Variants in TNS4 observed in about 807,000 individuals in gnomAD.
TNS4 encodes the protein tensin-4.
Under a neutral mutation model 70.4 loss-of-function variants are expected in TNS4, and 46 were observed. The observed-to-expected ratio is 0.65, with a 90% CI of 0.52 to 0.84. TNS4 has a LOEUF of 0.84. Among genes scored for constraint, TNS4 ranks in the 40% least tolerant of loss-of-function variants. TNS4 has a pLI of 0.00. For missense variants in TNS4, 863 were observed against 907.0 expected (o/e 0.95, Z 0.62); for synonymous variants, 390 against 366.6 (o/e 1.06, Z -0.73).
chr17:40,490,286 G>A (rs556597000), intron 2 of TNS4, among the ~76,000 whole-genome samples: 1 of 152,122 alleles, frequency 6.6e-6, no homozygotes, highest in South Asian at 2.1e-4. Context: ...CTCTCCCGAG[G>A]TCGGCCTTGC....
chr17:40,480,860 A>G (rs1242148504), intron 8 of TNS4, 92 bp from the exon 9 acceptor site: 3 of 1,396,842 alleles, frequency 2.1e-6, no homozygotes, highest in Admixed American at 4.3e-5. Flanking sequence ...AATCCCTTTG[A>G]AGATCTCCCA....
At chr17:40,482,264 C>T in intron 7 of TNS4, 58 bp from the exon 8 acceptor site, 1 of 1,614,028 alleles carries the variant, frequency 6.2e-7, no homozygotes. Context: ...CCCCTCAGCT[C>T]ACAACGGAGA....
In TNS4 at chr17:40,482,423, AGAG is replaced by A; in HGVS notation, c.1502-10_1502-8del. ...AGGTCATTGCTGTCCTCACCTGGAC[AGAG>A]AAGAAAGAGTGCATTCGGATAGAAT... On this transcript the variant is annotated splice_polypyrimidine_tract_variant and splice_region_variant and intron_variant, in intron 6 of 12. Coordinates refer to ENST00000254051, the MANE Select transcript of TNS4 (RefSeq NM_032865.6). 1 of 1,613,630 alleles carries A rather than the reference AGAG, an allele frequency of 6.2e-7. No homozygotes were observed. Among genetic ancestry groups the A allele is most frequent in the Non-Finnish European group, 8.5e-7 (1 of 1,179,886 alleles).
chr17:40,482,264 C>A (rs1220052616), intron 7 of TNS4, 58 bp from the exon 8 acceptor site: 22 of 1,613,910 alleles, frequency 1.4e-5, no homozygotes, highest in Non-Finnish European at 1.8e-5. Context: ...CCCCTCAGCT[C>A]ACAACGGAGA....
At chr17:40,500,214 C>T (rs1054774294) in intron 1 of TNS4, among the ~76,000 whole-genome samples, 4 of 152,190 alleles carry the variant, frequency 2.6e-5, no homozygotes, top group Non-Finnish European at 5.9e-5. Context: ...CCCTGTCCAC[C>T]GCTGCCCCTT....
At chr17:40,483,827 G>A (rs935573953) in intron 6 of TNS4, among the ~76,000 whole-genome samples, 2 of 152,184 alleles carry the variant, frequency 1.3e-5, no homozygotes, top group East Asian at 1.9e-4. Context: ...AACTCTGGGA[G>A]CCTCCGTTAT....
At position 40,490,288 on chromosome 17, in the gene TNS4, C is replaced by T. The variant is rs978517546; in HGVS notation, c.440-1319G>A. On this transcript the variant is annotated intron_variant, in intron 2 of 12. Coordinates refer to ENST00000254051, the MANE Select transcript of TNS4 (RefSeq NM_032865.6). ...TGAGGCCTTGTTCCTCTCCCGAGGT[C>T]GGCCTTGCAGTGGGCTGCTCTGAGG... Among the ~76,000 whole-genome samples the T allele has an allele frequency of 4.6e-5, 7 of 151,986 alleles. No homozygotes were observed. The East Asian group carries it at 5.8e-4, about 13-fold the overall frequency.
At chr17:40,483,478 G>T (rs2035952580) in intron 6 of TNS4, among the ~76,000 whole-genome samples, 1 of 152,188 alleles carries the variant, frequency 6.6e-6, no homozygotes, top group African/African-American at 2.4e-5. Flanking sequence ...TGGGATTACT[G>T]GCGTGAGCCA....
At chr17:40,489,890 C>T (rs1195162214) in intron 2 of TNS4, among the ~76,000 whole-genome samples, 12 of 152,028 alleles carry the variant, frequency 7.9e-5, no homozygotes, top group Admixed American at 7.2e-4. Flanking sequence ...CCCCAGGCTG[C>T]GCCTTGTGCC....
At chr17:40,478,135 C>T in intron 12 of TNS4, 172 bp downstream of exon 12, 1 of 818,060 alleles carries the variant, frequency 1.2e-6, no homozygotes, top group Non-Finnish European at 2.0e-6. Context: ...CCCCCAACAG[C>T]CCAGAGGCTC....
rs147467158 is a variant in TNS4 at position 40,484,458 on chromosome 17, G to A, written c.1501+26C>T. 62 of 1,605,932 alleles carry A rather than the reference G, an allele frequency of 3.9e-5. No individual in the cohort carries two copies. In the African/African-American group the frequency reaches 6.1e-4, roughly 16 times the overall value. ...CACCCCGCTGCCTCAGTGAGGCCTT[G>A]AGTGAGCACAGAGACAGACGCATAC... is the stretch of plus-strand genomic sequence containing the variant. On this transcript the variant is annotated intron_variant, in intron 6 of 12. Coordinates refer to ENST00000254051, the MANE Select transcript of TNS4 (RefSeq NM_032865.6).
rs1008427469 is a variant in TNS4, at chr17:40,487,310, G to C, written c.1014C>G (p.Pro338=). ...TTCTGGGTTGGCCCATGGTTAGGGT[G>C]GGGTTTCTGGGAGCCTGGAAGTCAC... is the stretch of plus-strand genomic sequence containing the variant. ...RPSDFQAPRN[P]TLTMGQPRTP... The change falls in exon 4 of 13, where the codon CCC becomes CCG. Residue 338 remains proline (P), a synonymous_variant. Transcript: ENST00000254051. The C allele has an allele frequency of 3.1e-6, 5 of 1,614,152 alleles. No homozygotes were observed. Among genetic ancestry groups the C allele is most frequent in the Non-Finnish European group, 4.2e-6 (5 of 1,180,028 alleles).
At position 40,476,416 on chromosome 17, in the gene TNS4, GTGTGTGTGTGTGT is replaced by G. The variant is rs2035849532; in HGVS notation, c.*1159_*1171del. 6.7e-6 allele frequency: 1 copy of G among 148,720 alleles called. No homozygotes were observed. Among genetic ancestry groups the G allele is most frequent in the African/African-American group, 2.7e-5 (1 of 37,246 alleles). 9.2% of individuals were successfully genotyped at this position (148,720 alleles called of 1,614,324 possible). A position where few individuals can be genotyped will look rare whatever the true frequency, so the allele number is the denominator to read the frequency against. Reference sequence around the variant, plus strand: ...TGTGTGTGTGTGTGTGTGTGTGTGTGTGTGTGTGTGTGTTGGAGCGTGGGTTGGGGGAGGGCTC... The same window carrying G: ...TGTGTGTGTGTGTGTGTGTGTGTGTGTGGAGCGTGGGTTGGGGGAGGGCTC... On this transcript the variant is annotated 3_prime_UTR_variant, in exon 13 of 13. Coordinates refer to ENST00000254051, the MANE Select transcript of TNS4 (RefSeq NM_032865.6).
intron 6 of TNS4, 133 bp from the exon 7 acceptor site, chr17:40,482,549 G>T: frequency 1.5e-6 from 1 of 683,654 alleles, no homozygotes; most frequent in Non-Finnish European, 2.6e-6. Context: ...TTCGAGATCA[G>T]CCTGACCCAC....
Position 40,480,701 on chromosome 17 carries a change from C to G in TNS4, c.1740G>C (p.Ala580=), listed in dbSNP as rs146051767. 9.8e-4 allele frequency: 1,525 copies of G among 1,557,956 alleles called. 4 individuals are homozygous for G. Among genetic ancestry groups the G allele is most frequent in the Non-Finnish European group, 1.2e-3 (1,347 of 1,156,550 alleles). The change falls in exon 9 of 13, where the codon GCG becomes GCC. Residue 580 remains alanine (A), a splice_region_variant and synonymous_variant. Transcript: ENST00000254051. The stretch of plus-strand genomic sequence containing the variant: ...CGCCTCCCTTCCTGTACCACTCACC[C>G]GCAGATTTCTTCTGGCAGGAGGCTG... The part of the protein sequence containing the change: ...DSPASCQKKS[A]GCHTLYLSSV...
chr17:40,488,461 C>A, intron 3 of TNS4, 85 bp downstream of exon 3: 1 of 1,337,348 alleles, frequency 7.5e-7, no homozygotes, highest in Non-Finnish European at 9.8e-7. Flanking sequence ...TCAGACAGAG[C>A]AGGGTCCCTT....
In TNS4 at chr17:40,479,032, G is replaced by A. The variant is rs556471257; in HGVS notation, c.1911-384C>T. ...TGAGATCCGAGCCTGGGGAAGGAAC[G>A]ATCTCATTCCTCTCTGGGTCCCAGT... On this transcript the variant is annotated intron_variant, in intron 10 of 12. Coordinates refer to ENST00000254051, the MANE Select transcript of TNS4 (RefSeq NM_032865.6). Among the ~76,000 whole-genome samples, 4 of 152,292 alleles carry A rather than the reference G, an allele frequency of 2.6e-5. No homozygotes were observed. The South Asian group carries it at 6.2e-4, about 24-fold the overall frequency.
In TNS4 at chr17:40,487,227, G is replaced by T; in HGVS notation, c.1097C>A (p.Thr366Asn). The T allele has an allele frequency of 6.2e-7, 1 of 1,614,222 alleles. No homozygotes were observed. Among genetic ancestry groups the T allele is most frequent in the Non-Finnish European group, 8.5e-7 (1 of 1,180,032 alleles). Residue 366 changes from threonine to asparagine, a missense_variant, in exon 4 of 13, where the codon ACC (threonine) becomes AAC (asparagine). By Grantham distance (65) the Thr-to-Asn change is moderately conservative. Coordinates refer to ENST00000254051, the MANE Select transcript of TNS4 (RefSeq NM_032865.6). ...AATGGGTATGTCCACCATGGAGTTG[G>T]TGATGGATGGGGGGCAGCTGCTGGC... The part of the protein sequence containing the change: ...EHASSCPPSI[T>N]NSMVDIPIVL...
chr17:40,481,221 C>G (rs1008416283), intron 8 of TNS4, among the ~76,000 whole-genome samples: 2 of 152,228 alleles, frequency 1.3e-5, no homozygotes, highest in African/African-American at 2.4e-5. Context: ...GAGCTGCCCC[C>G]CTACCTGGCT....
Sources: gnomAD v4.1 joint callset for allele counts (sites outside exome capture counted in the v4.1 genomes callset) on GRCh38, gnomAD v4.1.1 for gene constraint, MANE v1.5 for transcripts, NCBI Gene and HGNC (gene_info 2026-07-23, HGNC 2026-07-21) for gene names.